The following ZNF366 variants were observed in gnomAD, a reference collection of about 807,000 sequenced individuals.
The protein encoded by ZNF366 is zinc finger protein 366.
In ZNF366, 20 loss-of-function variants were observed where a neutral mutation model predicts 47.2. The ratio of observed to expected loss-of-function variants is 0.42; its 90% CI spans 0.30 to 0.62. The LOEUF is 0.62. Among genes scored for constraint, ZNF366 ranks in the 20% least tolerant of loss-of-function variants. The pLI is 0.16. For synonymous variants in ZNF366, 421 were observed against 395.1 expected, an observed-to-expected ratio of 1.07 and a Z score of -0.78; for missense variants, 987 against 976.3, an observed-to-expected ratio of 1.01 and a Z score of -0.15.
rs868214538 is a variant in ZNF366 at position 72,447,400 on chromosome 5, G to A, written c.1542C>T (p.Phe514=). The part of the protein sequence containing the change: ...PFKCKLCGKE[F]NRMHNLMGHM... Reference sequence around the variant, plus strand: ...GGCCCATCAGGTTGTGCATCCGGTTGAATTCCTTCCCACAAAGCTGTTGAA... The same window carrying A: ...GGCCCATCAGGTTGTGCATCCGGTTAAATTCCTTCCCACAAAGCTGTTGAA... The change falls in exon 4 of 5, where the codon TTC becomes TTT. Residue 514 remains phenylalanine, a synonymous_variant. Coordinates refer to ENST00000318442, the MANE Select transcript of ZNF366 (RefSeq NM_152625.3). The A allele has an allele frequency of 6.8e-6, 11 of 1,614,168 alleles. No individual in the cohort carries two copies. The Middle Eastern group carries it at 1.7e-3, about 243-fold the overall frequency.
rs140439481 is a variant in ZNF366, at chr5:72,460,953, G to A, written c.544C>T (p.Pro182Ser). The change falls in exon 2 of 5, where the codon CCG (proline) becomes TCG (serine). Residue 182 changes from proline (P) to serine (S), a missense_variant. Physicochemically the swap from Pro to Ser is moderately conservative, Grantham distance 74. Coordinates refer to ENST00000318442, the MANE Select transcript of ZNF366 (RefSeq NM_152625.3). Reference protein sequence around the residue: ...TPYPYYPKVHPGLMFPFFVPS... With the variant: ...TPYPYYPKVHSGLMFPFFVPS... ...ACGAAGAAGGGGAACATGAGGCCCG[G>A]GTGGACTTTGGGGTAGTAGGGGTAG... is the stretch of plus-strand genomic sequence containing the variant. 3 of 1,612,534 alleles carry A rather than the reference G, an allele frequency of 1.9e-6. No homozygotes were observed. The highest frequency in any genetic ancestry group is 2.5e-6 in the Non-Finnish European group (3 of 1,178,916).
rs375695888 is a variant in ZNF366, at chr5:72,451,006, C to T, written c.1525-3589G>A. Among the ~76,000 whole-genome samples the T allele has an allele frequency of 2.4e-4, 36 of 152,324 alleles. No homozygotes were observed. The East Asian group carries it at 2.9e-3, about 12-fold the overall frequency. On this transcript the variant is annotated intron_variant, in intron 3 of 4. Coordinates refer to ENST00000318442, the MANE Select transcript of ZNF366 (RefSeq NM_152625.3). The stretch of plus-strand genomic sequence containing the variant: ...GAGGAGGAATGGATAGGAAGGACCA[C>T]CAAATCTCTAGGTTCTTCTCCAGAG...
Position 72,457,071 on chromosome 5 carries a change from A to G in ZNF366, c.1333-476T>C, listed in dbSNP as rs114683295. Among the ~76,000 whole-genome samples, 396 of 152,268 alleles carry G rather than the reference A, an allele frequency of 2.6e-3. 4 individuals carry two copies. Among genetic ancestry groups the G allele is most frequent in the African/African-American group, 9.3e-3 (387 of 41,542 alleles). On this transcript the variant is annotated intron_variant, in intron 2 of 4. Coordinates refer to ENST00000318442, the MANE Select transcript of ZNF366 (RefSeq NM_152625.3). ...ACTTGAAAATCCCAGAACAACTTATATCCACACTGCAGTAAATTACAACTT... is the reference window on the plus strand; with the variant it reads ...ACTTGAAAATCCCAGAACAACTTATGTCCACACTGCAGTAAATTACAACTT...
chr5:72,443,985 T>A lies in ZNF366; in HGVS notation c.2006A>T (p.Asp669Val). 6.2e-7 allele frequency: 1 copy of A among 1,614,168 alleles called. No homozygotes were observed. The highest frequency in any genetic ancestry group is 8.5e-7 in the Non-Finnish European group (1 of 1,180,014). ...CTTCTCCCATTCTCCCTTGGATGCATCCTCCTTCTCCTCCTTGCAGGCTTC... is the reference window on the plus strand; with the variant it reads ...CTTCTCCCATTCTCCCTTGGATGCAACCTCCTTCTCCTCCTTGCAGGCTTC... Reference protein sequence around the residue: ...LEEACKEEKEDASKGEWEKRS... With the variant: ...LEEACKEEKEVASKGEWEKRS... The change falls in exon 5 of 5, where the codon GAT becomes GTT. Residue 669 changes from aspartate to valine, a missense_variant. Coordinates refer to ENST00000318442, the MANE Select transcript of ZNF366 (RefSeq NM_152625.3).
At chr5:72,448,174 T>C (rs906528477) in intron 3 of ZNF366, among the ~76,000 whole-genome samples, 1 of 152,156 alleles carries the variant, frequency 6.6e-6, no homozygotes, top group Non-Finnish European at 1.5e-5. Context: ...ATTTCAAAGA[T>C]AAAAAAATGA....
At chr5:72,491,495 C>T (rs1463344692) in intron 1 of ZNF366, among the ~76,000 whole-genome samples, 1 of 152,176 alleles carries the variant, frequency 6.6e-6, no homozygotes, top group Non-Finnish European at 1.5e-5. Context: ...GGGAGTCAGG[C>T]ACCCCCGGGT....
At chr5:72,460,113 C>T in intron 2 of ZNF366, 52 bp downstream of exon 2, 1 of 1,578,962 alleles carries the variant, frequency 6.3e-7, no homozygotes, top group East Asian at 2.2e-5. Flanking sequence ...CTGCTCAGGG[C>T]CCCGCTCCTC....
chr5:72,465,815 C>G (rs1468966491), intron 1 of ZNF366, among the ~76,000 whole-genome samples: 3 of 152,170 alleles, frequency 2.0e-5, no homozygotes, highest in Non-Finnish European at 4.4e-5. Flanking sequence ...TGGTTTGGAG[C>G]CTGAAAGTCT....
At chr5:72,451,315 TGGAG>T (rs563237175) in intron 3 of ZNF366, among the ~76,000 whole-genome samples, 67 of 152,370 alleles carry the variant, frequency 4.4e-4, no homozygotes, top group African/African-American at 1.6e-3. Context: ...CTTTTTAAGA[TGGAG>T]GTAGACTTCA....
rs1206166026 is a variant in ZNF366 at position 72,460,248 on chromosome 5, C to T, written c.1249G>A (p.Asp417Asn). Residue 417 changes from aspartate (D) to asparagine (N), a missense_variant, in exon 2 of 5, where the codon GAC becomes AAC. Asp to Asn is a conservative substitution (Grantham distance 23, BLOSUM62 1). Around this residue, in one of 3 missense-constraint regions of ZNF366, gnomAD observed 591 missense variants for 560.9 expected, o/e 1.05. Coordinates refer to ENST00000318442, the MANE Select transcript of ZNF366 (RefSeq NM_152625.3). ...TCTGAGCAGATGTAGGGCCGGATGTCCTTGTGCTTCATCATGTGGTTCTGC... is the reference window on the plus strand; with the variant it reads ...TCTGAGCAGATGTAGGGCCGGATGTTCTTGTGCTTCATCATGTGGTTCTGC... ...QLQNHMMKHKDIRPYICSECG... is the reference protein window; with the variant it reads ...QLQNHMMKHKNIRPYICSECG... The T allele has an allele frequency of 6.2e-7, 1 of 1,614,170 alleles. No individual in the cohort carries two copies.
At chr5:72,480,659 G>A (rs1743773068) in intron 1 of ZNF366, among the ~76,000 whole-genome samples, 1 of 152,098 alleles carries the variant, frequency 6.6e-6, no homozygotes, top group African/African-American at 2.4e-5. Flanking sequence ...ACCTAAGACA[G>A]AACTAATTTG....
At chr5:72,446,352 C>T (rs6452474) in intron 4 of ZNF366, among the ~76,000 whole-genome samples, 124,272 of 152,254 alleles carry the variant, frequency 0.82, 51,225 homozygotes, top group East Asian at 0.96. Context: ...TATGATTTTG[C>T]AAACACAGAC....
chr5:72,460,081 A>G, intron 2 of ZNF366, 84 bp downstream of exon 2: 2 of 1,516,118 alleles, frequency 1.3e-6, no homozygotes, highest in Non-Finnish European at 1.8e-6. Context: ...AGAGCGGCAC[A>G]GGCGTCCTGC....
At chr5:72,472,132 T>C (rs946928750) in intron 1 of ZNF366, among the ~76,000 whole-genome samples, 1 of 152,208 alleles carries the variant, frequency 6.6e-6, no homozygotes, top group East Asian at 1.9e-4. Context: ...GTGTCTGCAC[T>C]ATGCTGGGTG....
intron 4 of ZNF366, among the ~76,000 whole-genome samples, chr5:72,445,726 C>T (rs540941447): frequency 1.8e-4 from 28 of 152,264 alleles, no homozygotes; most frequent in Middle Eastern, 3.4e-3. Flanking sequence ...TTGTATGTCT[C>T]CCGTCCTGAT....
At position 72,460,222 on chromosome 5, in the gene ZNF366, C is replaced by T; in HGVS notation, c.1275G>A (p.Glu425=). Residue 425 remains glutamate, a synonymous_variant, in exon 2 of 5, where the codon GAG becomes GAA. Coordinates refer to ENST00000318442, the MANE Select transcript of ZNF366 (RefSeq NM_152625.3). ...GCGGCTGCACAAACTCCATGCCACACTCTGAGCAGATGTAGGGCCGGATGT... is the reference window on the plus strand; with the variant it reads ...GCGGCTGCACAAACTCCATGCCACATTCTGAGCAGATGTAGGGCCGGATGT... ...HKDIRPYICS[E]CGMEFVQPHH... is the part of the protein sequence containing the mutation. The T allele has an allele frequency of 6.2e-7, 1 of 1,614,264 alleles. No homozygotes were observed. The highest frequency in any genetic ancestry group is 8.5e-7 in the Non-Finnish European group (1 of 1,180,040).
At chr5:72,479,946 A>AGGGT (rs1743759366) in intron 1 of ZNF366, among the ~76,000 whole-genome samples, 1 of 152,222 alleles carries the variant, frequency 6.6e-6, no homozygotes, top group African/African-American at 2.4e-5. Flanking sequence ...ACTTGAACAA[A>AGGGT]GGGTGAAAAA....
At chr5:72,461,953 T>G (rs1371024765) in intron 1 of ZNF366, among the ~76,000 whole-genome samples, 3 of 152,258 alleles carry the variant, frequency 2.0e-5, no homozygotes, top group Non-Finnish European at 4.4e-5. Flanking sequence ...CTGCAGCTTT[T>G]CAATCTGAGT....
At chr5:72,496,623 A>G (rs1024684456) in intron 1 of ZNF366, among the ~76,000 whole-genome samples, 6 of 152,212 alleles carry the variant, frequency 3.9e-5, no homozygotes, top group Admixed American at 3.3e-4. Context: ...ATGGGAACAT[A>G]TGATTTCAGT....
Sources: gnomAD v4.1 joint callset for allele counts (sites outside exome capture counted in the v4.1 genomes callset) on GRCh38, gnomAD v4.1.1 for gene constraint, gnomAD v4.1.1 regional missense constraint, MANE v1.5 for transcripts, NCBI Gene and HGNC (gene_info 2026-07-23, HGNC 2026-07-21) for gene names.